POR: variants seen among roughly 807,000 people sequenced by gnomAD.
POR encodes the protein NADPH--cytochrome P450 reductase.
Under a neutral mutation model 84.0 loss-of-function variants are expected in POR, and 56 were observed. The observed-to-expected ratio is 0.67, with a 90% confidence interval of 0.54 to 0.83. The LOEUF (loss-of-function observed/expected upper bound fraction) is 0.83. Ranked by LOEUF, POR falls within the 40% of genes least tolerant of loss-of-function variation. The pLI is 0.00. For synonymous variants in POR, 414 were observed against 400.5 expected (o/e 1.03, Z -0.40); for missense variants, 938 against 944.3 (o/e 0.99, Z 0.09).
At chr7:75,951,844 G>A (rs1285631751) in intron 1 of POR, among the ~76,000 whole-genome samples, 1 of 152,246 alleles carries the variant, frequency 6.6e-6, no homozygotes, top group East Asian at 1.9e-4. Flanking sequence ...CTCATGTCAC[G>A]TCTGCCTACC....
Position 75,981,039 on chromosome 7 carries a change from T to G in POR, c.517-9T>G. 6.4e-7 allele frequency: 1 copy of G among 1,564,992 alleles called. No individual in the cohort carries two copies. On this transcript the variant is annotated splice_polypyrimidine_tract_variant and intron_variant, in intron 5 of 15. Coordinates refer to ENST00000461988, the MANE Select transcript of POR (RefSeq NM_000941.3). ...GCCAGGCCTCAGAGCGGCCCCTGTG[T>G]CCACGCAGGTGTTTGGTCTTGGGAA...
chr7:75,982,859 T>C (rs1264676663), intron 8 of POR, among the ~76,000 whole-genome samples: 2 of 152,174 alleles, frequency 1.3e-5, no homozygotes, highest in Non-Finnish European at 2.9e-5. Context: ...GTTTCTCTCT[T>C]GTCCACGGTG....
chr7:75,957,798 C>A (rs1177054066), intron 2 of POR, among the ~76,000 whole-genome samples: 1 of 152,200 alleles, frequency 6.6e-6, no homozygotes, highest in East Asian at 1.9e-4. Flanking sequence ...AGTCTTGTCT[C>A]TTCCCTCATT....
chr7:75,965,452 C>T lies in POR; in HGVS notation c.189-6961C>T, dbSNP rs41296479. 8.9e-3 allele frequency among the ~76,000 whole-genome samples: 1,357 copies of T among 152,304 alleles called. 17 individuals carry two copies. Among genetic ancestry groups the T allele is most frequent in the African/African-American group, 0.031 (1,300 of 41,564 alleles). On this transcript the variant is annotated intron_variant, in intron 2 of 15. Transcript: ENST00000461988. ...TGGGATTCCAGCCTGGGGCTTCCTG[C>T]ACCACGCTTTTGCTCCCTCGGACCC... is the stretch of plus-strand genomic sequence containing the variant.
At chr7:75,929,082 A>G (rs1156420107) in intron 1 of POR, among the ~76,000 whole-genome samples, 1 of 152,158 alleles carries the variant, frequency 6.6e-6, no homozygotes, top group Non-Finnish European at 1.5e-5. Context: ...TATAATAATT[A>G]TGATGCTTTT....
chr7:75,983,062 T>C (rs1171196329), intron 8 of POR, among the ~76,000 whole-genome samples: 1 of 152,200 alleles, frequency 6.6e-6, no homozygotes, highest in Non-Finnish European at 1.5e-5. Flanking sequence ...GCATTAGGGC[T>C]GGGCGAGGTG....
chr7:75,980,823 T>C, intron 5 of POR: 1 of 1,215,370 alleles, frequency 8.2e-7, no homozygotes, highest in Non-Finnish European at 1.1e-6. Flanking sequence ...CCCTGTGGGT[T>C]GAGGCTGGCA....
chr7:75,930,611 C>T (rs1192464325), intron 1 of POR, among the ~76,000 whole-genome samples: 1 of 151,148 alleles, frequency 6.6e-6, no homozygotes, highest in Non-Finnish European at 1.5e-5. Flanking sequence ...CAGCCTCCAC[C>T]TCCCGGGTTC....
At position 75,986,076 on chromosome 7, in the gene POR, G is replaced by T; in HGVS notation, c.1815+8G>T. ...CGGGAGCAGTCCCACAAGGTGAGAC[G>T]GGCGGGCACCCACGAAGGTGGGCAT... On this transcript the variant is annotated splice_region_variant and intron_variant, in intron 14 of 15. Transcript: ENST00000461988. The T allele has an allele frequency of 6.4e-7, 1 of 1,564,078 alleles. No homozygotes were observed. The highest frequency in any genetic ancestry group is 8.7e-7 in the Non-Finnish European group (1 of 1,155,162).
At chr7:75,960,736 C>T (rs112514724) in intron 2 of POR, among the ~76,000 whole-genome samples, 37 of 152,254 alleles carry the variant, frequency 2.4e-4, no homozygotes, top group African/African-American at 8.7e-4. Context: ...TCCCATGGTG[C>T]AGAGAGCGTC....
chr7:75,917,021 C>T (rs1191905969), intron 1 of POR, among the ~76,000 whole-genome samples: 5 of 151,968 alleles, frequency 3.3e-5, no homozygotes, highest in Non-Finnish European at 5.9e-5. Context: ...AACATTTACT[C>T]GTGAAGTCCA....
chr7:75,979,812 C>G, intron 4 of POR: 2 of 543,496 alleles, frequency 3.7e-6, no homozygotes, highest in Non-Finnish European at 6.2e-6. Flanking sequence ...AGGACTGGCC[C>G]TCCCCTGAGT....
chr7:75,931,021 CTA>C (rs1248314042), intron 1 of POR, among the ~76,000 whole-genome samples: 2 of 152,042 alleles, frequency 1.3e-5, no homozygotes, highest in Non-Finnish European at 2.9e-5. Context: ...TGGCGTTTCA[CTA>C]TGTTACCCAG....
At chr7:75,975,566 G>A (rs1788644217) in intron 3 of POR, among the ~76,000 whole-genome samples, 1 of 152,028 alleles carries the variant, frequency 6.6e-6, no homozygotes. Context: ...CTTGAGCTTG[G>A]GAGGCACAGA....
chr7:75,963,882 TC>T (rs1175440433), intron 2 of POR, among the ~76,000 whole-genome samples: 3 of 152,128 alleles, frequency 2.0e-5, no homozygotes, highest in Non-Finnish European at 4.4e-5. Flanking sequence ...CAGGAGAGCA[TC>T]TTAGAGGGCC....
At chr7:75,940,500 C>T (rs1368251161) in intron 1 of POR, among the ~76,000 whole-genome samples, 4 of 151,370 alleles carry the variant, frequency 2.6e-5, no homozygotes, top group African/African-American at 9.7e-5. Context: ...TAGGCACTCT[C>T]GTGGCCGGGT....
intron 1 of POR, chr7:75,943,795 C>G (rs782450703): frequency 2.1e-6 from 1 of 483,544 alleles, no homozygotes; most frequent in Non-Finnish European, 4.0e-6. Flanking sequence ...CATTCTTAAA[C>G]CCTCTTGGTG....
chr7:75,934,549 G>T (rs1194619750), intron 1 of POR, among the ~76,000 whole-genome samples: 2 of 152,036 alleles, frequency 1.3e-5, no homozygotes, highest in Non-Finnish European at 2.9e-5. Flanking sequence ...ATTTAAAAAG[G>T]AGCCAAGTGC....
chr7:75,951,763 G>A (rs1440752856), intron 1 of POR, among the ~76,000 whole-genome samples: 2 of 152,250 alleles, frequency 1.3e-5, no homozygotes, highest in Non-Finnish European at 2.9e-5. Context: ...TGAATTTCAG[G>A]GCTGAGCCCA....
Sources: allele counts gnomAD v4.1 joint callset (sites outside exome capture counted in the v4.1 genomes callset), GRCh38; gene constraint gnomAD v4.1.1; transcripts MANE v1.5; gene names NCBI Gene and HGNC (gene_info 2026-07-23, HGNC 2026-07-21).